RPTOR: variants seen among roughly 807,000 people sequenced by gnomAD.
RPTOR encodes the protein regulatory-associated protein of mTOR.
A neutral mutation model predicts 169.9 loss-of-function variants in RPTOR; 21 were observed. The ratio of observed to expected loss-of-function variants is 0.12; its 90% CI spans 0.09 to 0.18. The LOEUF is 0.18. RPTOR is among the 10% of genes least tolerant of loss of function. RPTOR has a pLI of 1.00. For synonymous variants in RPTOR, 732 were observed against 753.2 expected, an observed-to-expected ratio of 0.97 and a Z score of 0.46; for missense variants, 1,133 against 1,855.9, an observed-to-expected ratio of 0.61 and a Z score of 7.16.
intron 1 of RPTOR, among the ~76,000 whole-genome samples, chr17:80,596,917 C>T (rs925944372): frequency 1.3e-5 from 2 of 152,074 alleles, no homozygotes; most frequent in East Asian, 3.9e-4. Flanking sequence ...TTTTTAAGGC[C>T]TGGAGCTTTG....
intron 1 of RPTOR, chr17:80,602,864 C>A: frequency 3.9e-6 from 2 of 510,142 alleles, no homozygotes; most frequent in South Asian, 4.0e-5. Context: ...CTTCTCGGGT[C>A]ACCACCTCGC....
intron 3 of RPTOR, among the ~76,000 whole-genome samples, chr17:80,690,268 C>T (rs747638564): frequency 9.9e-5 from 15 of 151,938 alleles, no homozygotes; most frequent in Non-Finnish European, 2.1e-4. Flanking sequence ...CATGTAATTT[C>T]ACCTGTCAAT....
chr17:80,693,664 A>T (rs576944832), intron 3 of RPTOR, among the ~76,000 whole-genome samples: 2 of 152,316 alleles, frequency 1.3e-5, no homozygotes, highest in African/African-American at 4.8e-5. Context: ...TACTCTCAGC[A>T]TCTGCCAGCC....
intron 1 of RPTOR, among the ~76,000 whole-genome samples, chr17:80,599,939 A>T (rs143844137): frequency 1.3e-5 from 2 of 152,170 alleles, no homozygotes; most frequent in African/African-American, 4.8e-5. Context: ...TCCTTGGTGT[A>T]AAGGAAGAGG....
intron 1 of RPTOR, among the ~76,000 whole-genome samples, chr17:80,545,997 G>T (rs1373912495): frequency 6.6e-6 from 1 of 152,182 alleles, no homozygotes; most frequent in Non-Finnish European, 1.5e-5. Context: ...TCACTGGGTA[G>T]TGTTAATTCA....
chr17:80,900,700 G>A (rs1298244439), intron 20 of RPTOR, among the ~76,000 whole-genome samples: 1 of 152,160 alleles, frequency 6.6e-6, no homozygotes, highest in East Asian at 1.9e-4. Context: ...TGGTGGCCCC[G>A]CCACCCTACC....
intron 13 of RPTOR, among the ~76,000 whole-genome samples, chr17:80,874,568 T>C (rs2068085879): frequency 6.6e-6 from 1 of 152,138 alleles, no homozygotes; most frequent in South Asian, 2.1e-4. Flanking sequence ...ACACTGTGCC[T>C]GGGGGTGAAG....
At chr17:80,903,762 G>A (rs1295841841) in intron 20 of RPTOR, among the ~76,000 whole-genome samples, 3 of 152,116 alleles carry the variant, frequency 2.0e-5, no homozygotes, top group Non-Finnish European at 4.4e-5. Context: ...GCCAGGCCTC[G>A]AGGTCTGGGT....
At chr17:80,773,403 T>C (rs751772133) in intron 6 of RPTOR, among the ~76,000 whole-genome samples, 1 of 152,244 alleles carries the variant, frequency 6.6e-6, no homozygotes, top group Non-Finnish European at 1.5e-5. Flanking sequence ...AGCAGTATAT[T>C]CTAGGGGTGC....
chr17:80,917,292 T>C (rs1203951954), intron 21 of RPTOR, among the ~76,000 whole-genome samples: 2 of 152,052 alleles, frequency 1.3e-5, no homozygotes, highest in South Asian at 2.1e-4. Context: ...TTTGTATTTT[T>C]AGTAGAGACG....
At chr17:80,950,091 A>C (rs533101840) in intron 28 of RPTOR, among the ~76,000 whole-genome samples, 1 of 152,190 alleles carries the variant, frequency 6.6e-6, no homozygotes, top group Non-Finnish European at 1.5e-5. Flanking sequence ...GCAGGCCCAC[A>C]GGTCCTTCTG....
chr17:80,591,008 G>A (rs2065100681), intron 1 of RPTOR, among the ~76,000 whole-genome samples: 1 of 151,998 alleles, frequency 6.6e-6, no homozygotes, highest in African/African-American at 2.4e-5. Context: ...TTGGTGAGTT[G>A]TGTTTTTCTA....
At chr17:80,963,718 GTCCCCTCTGCGGCCCTC>G (rs2069380229) in intron 33 of RPTOR, among the ~76,000 whole-genome samples, 4 of 26,678 alleles carry the variant, frequency 1.5e-4, no homozygotes, top group Admixed American at 9.1e-4. Context: ...CCCTCACCCC[GTCCCCTCTGCGGCCCTC>G]ACCCCGTCCC....
At chr17:80,639,517 C>G (rs750912297) in intron 2 of RPTOR, among the ~76,000 whole-genome samples, 1 of 152,096 alleles carries the variant, frequency 6.6e-6, no homozygotes, top group Non-Finnish European at 1.5e-5. Flanking sequence ...TTTGGGTCCC[C>G]TCCCCCAGCT....
chr17:80,793,922 A>T (rs1174346084), intron 7 of RPTOR, among the ~76,000 whole-genome samples: 1 of 152,210 alleles, frequency 6.6e-6, no homozygotes, highest in African/African-American at 2.4e-5. Context: ...CCTAGAGCTC[A>T]GGTCTCAGGA....
In RPTOR at chr17:80,961,486, G is replaced by A; in HGVS notation, c.3692+6G>A. 2.6e-6 allele frequency: 4 copies of A among 1,549,094 alleles called. No homozygotes were observed. Among genetic ancestry groups the A allele is most frequent in the African/African-American group, 1.4e-5 (1 of 73,140 alleles). On this transcript the variant is annotated splice_donor_region_variant and intron_variant, in intron 31 of 33. Coordinates refer to ENST00000306801, the MANE Select transcript of RPTOR (RefSeq NM_020761.3). ...GGCCACATCGTGAGTGTGAGGTGAG[G>A]AGCGCCGATATTTAGCAGCCGTTCT...
At position 80,885,097 on chromosome 17, in the gene RPTOR, G is replaced by A. The variant is rs778465536; in HGVS notation, c.1932G>A (p.Val644=). 5.1e-5 allele frequency: 81 copies of A among 1,589,944 alleles called. No individual in the cohort carries two copies. Among genetic ancestry groups the A allele is most frequent in the Non-Finnish European group, 6.2e-5 (72 of 1,169,170 alleles). The change falls in exon 17 of 34, where the codon GTG becomes GTA. Residue 644 remains valine (V), a synonymous_variant. Coordinates refer to ENST00000306801, the MANE Select transcript of RPTOR (RefSeq NM_020761.3). ...TDHSTTIDHN[V]AMMLAQLVSD... Reference sequence around the variant, plus strand: ...ACTCCACCACCATCGACCACAACGTGGCCATGATGCTGGCCCAGCTGGTCA... The same window carrying A: ...ACTCCACCACCATCGACCACAACGTAGCCATGATGCTGGCCCAGCTGGTCA...
At chr17:80,794,634 A>G (rs1369058721) in intron 7 of RPTOR, among the ~76,000 whole-genome samples, 1 of 152,236 alleles carries the variant, frequency 6.6e-6, no homozygotes, top group Non-Finnish European at 1.5e-5. Context: ...AGCTCTGTTC[A>G]TTACCCCAAG....
At chr17:80,859,977 G>A (rs1014585868) in intron 13 of RPTOR, among the ~76,000 whole-genome samples, 4 of 152,154 alleles carry the variant, frequency 2.6e-5, no homozygotes, top group African/African-American at 7.2e-5. Flanking sequence ...GAAATGGAAG[G>A]TCTAGCAAAG....
Sources: allele counts gnomAD v4.1 joint callset (sites outside exome capture counted in the v4.1 genomes callset), GRCh38; gene constraint gnomAD v4.1.1; transcripts MANE v1.5; gene names NCBI Gene and HGNC (gene_info 2026-07-23, HGNC 2026-07-21).